FSTL5: variants seen among roughly 807,000 people sequenced by gnomAD.
FSTL5 encodes the protein follistatin-related protein 5.
In FSTL5, 62 loss-of-function variants were observed where a neutral mutation model predicts 89.1. The observed-to-expected ratio is 0.70, with a 90% CI of 0.57 to 0.86. The LOEUF (loss-of-function observed/expected upper bound fraction) is 0.86, where lower values mean the gene tolerates loss of function less well. Ranked by LOEUF, FSTL5 falls within the 40% of genes least tolerant of loss-of-function variation. The probability of loss-of-function intolerance (pLI) is 0.00; values close to 1 mark genes in which losing one functional copy is unlikely to be tolerated. For synonymous variants in FSTL5, 383 were observed against 346.2 expected, an observed-to-expected ratio of 1.11 and a Z score of -1.18; for missense variants, 1,057 against 1,001.6, an observed-to-expected ratio of 1.06 and a Z score of -0.75.
At chr4:161,784,895 A>AAAAAAAAAAAAAAAAAAAC (rs1553965825) in intron 4 of FSTL5, among the ~76,000 whole-genome samples, 12 of 142,014 alleles carry the variant, frequency 8.4e-5, no homozygotes, top group African/African-American at 2.6e-4. Flanking sequence ...TCCGTCTCAA[A>AAAAAAAAAAAAAAAAAAAC]AAAAACAAAA....
intron 7 of FSTL5, among the ~76,000 whole-genome samples, chr4:161,636,171 C>T (rs1358742574): frequency 2.6e-5 from 4 of 151,322 alleles, no homozygotes; most frequent in Non-Finnish European, 5.9e-5. Context: ...TTAATCACTT[C>T]TAATAGTTTT....
At chr4:161,614,158 T>C (rs557013288) in intron 7 of FSTL5, among the ~76,000 whole-genome samples, 2 of 152,260 alleles carry the variant, frequency 1.3e-5, no homozygotes, top group East Asian at 3.9e-4. Flanking sequence ...TGTCATATTT[T>C]GAAACTCTAA....
intron 6 of FSTL5, among the ~76,000 whole-genome samples, chr4:161,745,072 A>G (rs888211528): frequency 1.3e-5 from 2 of 152,044 alleles, no homozygotes; most frequent in African/African-American, 4.8e-5. Context: ...AAATAAATAA[A>G]AAAAATAAAA....
intron 8 of FSTL5, among the ~76,000 whole-genome samples, chr4:161,573,523 G>C (rs1273916290): frequency 4.9e-5 from 7 of 143,890 alleles, no homozygotes; most frequent in African/African-American, 1.8e-4. Context: ...ATCACCTGAG[G>C]TCGGGAGTTC....
In FSTL5 at chr4:161,733,400, T is replaced by A. The variant is rs534252644; in HGVS notation, c.727+26011A>T. 1.1e-4 allele frequency among the ~76,000 whole-genome samples: 17 copies of A among 152,122 alleles called. 1 individual carries two copies. In the South Asian group the frequency reaches 3.3e-3, roughly 30 times the overall value. ...GTAGCTTTTTATTTTTCTTTTCTTT[T>A]GTAGATTTGTTGGGATAAGAGTGTT... On this transcript the variant is annotated intron_variant, in intron 6 of 15. Transcript: ENST00000306100.
At chr4:161,617,110 G>A (rs1734901102) in intron 7 of FSTL5, among the ~76,000 whole-genome samples, 1 of 151,544 alleles carries the variant, frequency 6.6e-6, no homozygotes, top group Non-Finnish European at 1.5e-5. Context: ...TAGTCATAAA[G>A]AACAGATGGA....
At chr4:161,650,259 A>T (rs1478757868) in intron 7 of FSTL5, among the ~76,000 whole-genome samples, 3 of 152,218 alleles carry the variant, frequency 2.0e-5, no homozygotes, top group African/African-American at 4.8e-5. Flanking sequence ...GGTATAAGCC[A>T]CATTATCATT....
chr4:161,651,058 C>T (rs907875039), intron 7 of FSTL5, among the ~76,000 whole-genome samples: 3 of 152,022 alleles, frequency 2.0e-5, no homozygotes, highest in Admixed American at 6.6e-5. Flanking sequence ...ATTTCCTCTC[C>T]AGGTTTCTCT....
At chr4:161,842,124 A>G (rs1731229387) in intron 4 of FSTL5, among the ~76,000 whole-genome samples, 1 of 152,152 alleles carries the variant, frequency 6.6e-6, no homozygotes, top group South Asian at 2.1e-4. Context: ...GATGGTGATT[A>G]TTGTATTTTG....
At chr4:161,837,553 A>G (rs1286265181) in intron 4 of FSTL5, among the ~76,000 whole-genome samples, 2 of 152,122 alleles carry the variant, frequency 1.3e-5, no homozygotes, top group Non-Finnish European at 2.9e-5. Flanking sequence ...TAAAATAATG[A>G]AATTAAACAA....
At chr4:161,969,645 A>G (rs1478217221) in intron 3 of FSTL5, among the ~76,000 whole-genome samples, 1 of 152,302 alleles carries the variant, frequency 6.6e-6, no homozygotes, top group African/African-American at 2.4e-5. Flanking sequence ...CTGGATATGA[A>G]ATGCAACCAG....
chr4:161,931,476 T>A (rs1734282767), intron 3 of FSTL5, among the ~76,000 whole-genome samples: 1 of 151,952 alleles, frequency 6.6e-6, no homozygotes, highest in African/African-American at 2.4e-5. Context: ...ACAATTTTTG[T>A]AAGCAGCATT....
Position 161,384,257 on chromosome 4 carries a change from T to C in FSTL5, c.*1490A>G, listed in dbSNP as rs976379716. 6.6e-6 allele frequency: 1 copy of C among 152,144 alleles called. No homozygotes were observed. The highest frequency in any genetic ancestry group is 2.4e-5 in the African/African-American group (1 of 41,454). 9.4% of individuals were successfully genotyped at this position (152,144 alleles called of 1,614,324 possible). A position where few individuals can be genotyped will look rare whatever the true frequency, so the allele number is the denominator to read the frequency against. On this transcript the variant is annotated 3_prime_UTR_variant, in exon 16 of 16. Coordinates refer to ENST00000306100, the MANE Select transcript of FSTL5 (RefSeq NM_020116.5). ...AATTTAAACTTGAGTAAAATTTGTA[T>C]ATTTAAAAAAGACCTTATTGGATTA...
intron 6 of FSTL5, among the ~76,000 whole-genome samples, chr4:161,663,643 A>C (rs1736791214): frequency 6.6e-6 from 1 of 152,038 alleles, no homozygotes; most frequent in African/African-American, 2.4e-5. Context: ...TGGCTTTTCT[A>C]GGTGCATGTT....
At chr4:161,696,714 G>A (rs1164390240) in intron 6 of FSTL5, among the ~76,000 whole-genome samples, 3 of 152,032 alleles carry the variant, frequency 2.0e-5, no homozygotes, top group African/African-American at 7.2e-5. Flanking sequence ...TGCAGCTATT[G>A]TAAAAGGGGG....
chr4:161,792,844 C>T (rs1435496839), intron 4 of FSTL5, among the ~76,000 whole-genome samples: 1 of 152,148 alleles, frequency 6.6e-6, no homozygotes, highest in Non-Finnish European at 1.5e-5. Context: ...ATTTGGGACC[C>T]ACCAAATGGA....
intron 14 of FSTL5, among the ~76,000 whole-genome samples, chr4:161,457,112 G>T (rs935532790): frequency 6.6e-6 from 1 of 152,158 alleles, no homozygotes; most frequent in Non-Finnish European, 1.5e-5. Context: ...TGATCCATGA[G>T]TGAGAAATGG....
At chr4:161,540,593 T>G (rs1303205571) in intron 9 of FSTL5, among the ~76,000 whole-genome samples, 2 of 152,100 alleles carry the variant, frequency 1.3e-5, no homozygotes, top group African/African-American at 4.8e-5. Context: ...CCTGCAGGTT[T>G]CATCCTTCTC....
intron 1 of FSTL5, among the ~76,000 whole-genome samples, chr4:162,147,424 AG>A (rs1733045153): frequency 6.6e-6 from 1 of 152,224 alleles, no homozygotes; most frequent in Non-Finnish European, 1.5e-5. Flanking sequence ...AACAGGCAAA[AG>A]GTAGATTTTA....
Sources: gnomAD v4.1 joint callset for allele counts (sites outside exome capture counted in the v4.1 genomes callset) on GRCh38, gnomAD v4.1.1 for gene constraint, MANE v1.5 for transcripts, NCBI Gene and HGNC (gene_info 2026-07-23, HGNC 2026-07-21) for gene names.